The following SCARA5 variants were observed in gnomAD, a reference collection of about 807,000 sequenced individuals.
The protein encoded by SCARA5 is scavenger receptor class A, member 5 (putative).
SCARA5 carries 45 observed loss-of-function variants against 46.3 expected under a neutral mutation model. The observed-to-expected ratio is 0.97, with a 90% CI of 0.76 to 1.24. The LOEUF (loss-of-function observed/expected upper bound fraction) is 1.24, where lower values mean the gene tolerates loss of function less well. SCARA5 is among the 50% of genes most tolerant of loss of function. The probability of loss-of-function intolerance (pLI) is 0.00; values close to 1 mark genes in which losing one functional copy is unlikely to be tolerated. For synonymous variants in SCARA5, 333 were observed against 306.5 expected, an observed-to-expected ratio of 1.09 and a Z score of -0.90; for missense variants, 680 against 689.0, an observed-to-expected ratio of 0.99 and a Z score of 0.15.
At chr8:27,901,356 C>T (rs1336107375) in intron 7 of SCARA5, among the ~76,000 whole-genome samples, 24 of 152,280 alleles carry the variant, frequency 1.6e-4, no homozygotes, top group Admixed American at 9.2e-4. Context: ...CCCTGGTTAG[C>T]GGCTCTTCCC....
At chr8:27,917,386 C>T (rs945670358) in intron 4 of SCARA5, among the ~76,000 whole-genome samples, 4 of 152,058 alleles carry the variant, frequency 2.6e-5, no homozygotes, top group South Asian at 2.1e-4. Flanking sequence ...TGAAAGAACC[C>T]GGATGTGAAG....
At chr8:27,981,780 C>G (rs1048286131) in intron 2 of SCARA5, among the ~76,000 whole-genome samples, 2 of 152,222 alleles carry the variant, frequency 1.3e-5, no homozygotes, top group African/African-American at 4.8e-5. Context: ...GGACCACAGA[C>G]CTGCCTAACA....
chr8:27,911,329 T>G (rs1263084756), intron 4 of SCARA5, among the ~76,000 whole-genome samples: 2 of 152,168 alleles, frequency 1.3e-5, no homozygotes, highest in African/African-American at 4.8e-5. Flanking sequence ...ACCATACCCT[T>G]TATATCCCTA....
At chr8:27,919,988 A>AG (rs1300282192) in intron 4 of SCARA5, among the ~76,000 whole-genome samples, 1 of 151,168 alleles carries the variant, frequency 6.6e-6, no homozygotes, top group Non-Finnish European at 1.5e-5. Context: ...GGCTTTGAGC[A>AG]GGGGGATGAC....
At chr8:27,955,324 T>C (rs565880072) in intron 3 of SCARA5, among the ~76,000 whole-genome samples, 1 of 152,202 alleles carries the variant, frequency 6.6e-6, no homozygotes, top group Non-Finnish European at 1.5e-5. Context: ...GGGGCCACCC[T>C]ACCCCCAGTT....
intron 3 of SCARA5, among the ~76,000 whole-genome samples, chr8:27,935,818 G>A (rs1199110119): frequency 6.6e-6 from 1 of 152,166 alleles, no homozygotes; most frequent in African/African-American, 2.4e-5. Flanking sequence ...GCTCTGGGCT[G>A]CGTGGAGCCA....
chr8:27,976,958 C>CT (rs1421275139), intron 2 of SCARA5, among the ~76,000 whole-genome samples: 1 of 152,238 alleles, frequency 6.6e-6, no homozygotes, highest in Non-Finnish European at 1.5e-5. Flanking sequence ...GCCAGCCCCC[C>CT]TGCCTTAGTC....
At chr8:27,925,167 C>T (rs925387405) in intron 3 of SCARA5, among the ~76,000 whole-genome samples, 20 of 152,214 alleles carry the variant, frequency 1.3e-4, no homozygotes, top group African/African-American at 4.6e-4. Context: ...CAAAAAAGAG[C>T]CCGTTTTGCC....
intron 4 of SCARA5, among the ~76,000 whole-genome samples, chr8:27,914,428 C>T (rs867048123): frequency 2.0e-5 from 3 of 152,220 alleles, no homozygotes; most frequent in African/African-American, 7.2e-5. Flanking sequence ...TGTGGGAGCA[C>T]CCGGAGCCTG....
At chr8:27,940,487 G>T (rs1370478955) in intron 3 of SCARA5, among the ~76,000 whole-genome samples, 1 of 152,168 alleles carries the variant, frequency 6.6e-6, no homozygotes, top group Non-Finnish European at 1.5e-5. Flanking sequence ...AAATGTCTCA[G>T]ATCACCTAGA....
intron 4 of SCARA5, among the ~76,000 whole-genome samples, chr8:27,911,278 T>C (rs1372891421): frequency 1.3e-5 from 2 of 152,182 alleles, no homozygotes; most frequent in African/African-American, 2.4e-5. Context: ...AGTGACTGTG[T>C]CCCATCTTTC....
chr8:27,879,685 C>T lies in SCARA5; in HGVS notation c.1235G>A (p.Arg412Gln), dbSNP rs747795916. 3 of 1,612,894 alleles carry T rather than the reference C, an allele frequency of 1.9e-6. No individual in the cohort carries two copies. Among genetic ancestry groups the T allele is most frequent in the Admixed American group, 1.7e-5 (1 of 60,006 alleles). ...HEGRVEVYHD[R>Q]RWGTVCDDGW... Reference sequence around the variant, plus strand: ...GTCGTCACACACGGTGCCCCAACGCCGGTCGTGGTACACTTCCACGCGGCC... The same window carrying T: ...GTCGTCACACACGGTGCCCCAACGCTGGTCGTGGTACACTTCCACGCGGCC... The change falls in exon 8 of 9, where the codon CGG (arginine) becomes CAG (glutamine). Residue 412 changes from arginine (R) to glutamine (Q), a missense_variant. Arg to Gln is a conservative substitution (Grantham distance 43). Coordinates refer to ENST00000354914, the MANE Select transcript of SCARA5 (RefSeq NM_173833.6).
chr8:27,980,507 G>C (rs549614629), intron 2 of SCARA5, among the ~76,000 whole-genome samples: 1 of 152,256 alleles, frequency 6.6e-6, no homozygotes, highest in East Asian at 1.9e-4. Flanking sequence ...ACAGGAGATG[G>C]CATGGCCTAG....
chr8:27,917,384 C>T (rs1807479439), intron 4 of SCARA5, among the ~76,000 whole-genome samples: 1 of 152,092 alleles, frequency 6.6e-6, no homozygotes, highest in Non-Finnish European at 1.5e-5. Context: ...AATGAAAGAA[C>T]CCGGATGTGA....
At chr8:27,928,636 GTCTT>G (rs1807718730) in intron 3 of SCARA5, among the ~76,000 whole-genome samples, 2 of 152,068 alleles carry the variant, frequency 1.3e-5, no homozygotes, top group Non-Finnish European at 1.5e-5. Flanking sequence ...ACACTTGTCT[GTCTT>G]TCTTTCTCTT....
chr8:27,910,760 G>T, intron 4 of SCARA5, among the ~76,000 whole-genome samples: 1 of 152,202 alleles, frequency 6.6e-6, no homozygotes, highest in Non-Finnish European at 1.5e-5. Context: ...AGTTGGGGAG[G>T]AAGAGGCCAG....
rs1258579678 is a variant in SCARA5 at position 27,978,217 on chromosome 8, GA to G, written c.112+9286del. Among the ~76,000 whole-genome samples, 28 of 146,458 alleles carry G rather than the reference GA, an allele frequency of 1.9e-4. No individual in the cohort carries two copies. In the East Asian group the frequency reaches 2.0e-3, roughly 10 times the overall value. On this transcript the variant is annotated intron_variant, in intron 2 of 8. Transcript: ENST00000354914. ...AATTTTTTTTTTTTTTTTTAGGAGA[GA>G]AAAGGTTTCACCATGTTGGCCAGGT...
At chr8:27,947,900 T>C (rs993400229) in intron 3 of SCARA5, among the ~76,000 whole-genome samples, 1 of 152,010 alleles carries the variant, frequency 6.6e-6, no homozygotes, top group Non-Finnish European at 1.5e-5. Flanking sequence ...AAACACTGTC[T>C]GATTCCACTG....
intron 2 of SCARA5, among the ~76,000 whole-genome samples, chr8:27,984,724 C>A (rs1162789308): frequency 2.6e-5 from 4 of 152,132 alleles, no homozygotes; most frequent in Non-Finnish European, 5.9e-5. Flanking sequence ...AGCTATCCAT[C>A]TATCCATTCA....
Sources: allele counts gnomAD v4.1 joint callset (sites outside exome capture counted in the v4.1 genomes callset), GRCh38; gene constraint gnomAD v4.1.1; transcripts MANE v1.5; gene names NCBI Gene and HGNC (gene_info 2026-07-23, HGNC 2026-07-21).